Variants in UNC13C observed in about 807,000 individuals in gnomAD.
The protein encoded by UNC13C is protein unc-13 homolog C.
Under a neutral mutation model 245.4 loss-of-function variants are expected in UNC13C, and 174 were observed. The observed-to-expected ratio is 0.71, with a 90% confidence interval of 0.63 to 0.80. The LOEUF is 0.80. Among genes scored for constraint, UNC13C ranks in the 30% least tolerant of loss-of-function variants. UNC13C has a pLI of 0.00. For missense variants in UNC13C, 2,829 were observed against 2,602.9 expected (o/e 1.09, Z -1.89); for synonymous variants, 992 against 895.1 (o/e 1.11, Z -1.93).
Position 54,013,511 on chromosome 15 carries a change from T to G in UNC13C, c.608T>G (p.Met203Arg). The G allele has an allele frequency of 6.2e-7, 1 of 1,613,798 alleles. No homozygotes were observed. The highest frequency in any genetic ancestry group is 8.5e-7 in the Non-Finnish European group (1 of 1,179,820). ...CVSSDSELST[M>R]KKSWGIRSKS... ...TCCTCAGACTCAGAGTTAAGCACCA[T>G]GAAAAAATCCTGGGGAATAAGAAGT... The change falls in exon 2 of 33, where the codon ATG becomes AGG. Residue 203 changes from methionine to arginine, a missense_variant. Physicochemically the swap from Met to Arg is moderately conservative, Grantham distance 91. Coordinates refer to ENST00000260323, the MANE Select transcript of UNC13C (RefSeq NM_001080534.3).
chr15:54,173,457 A>G (rs2033492644), intron 4 of UNC13C, among the ~76,000 whole-genome samples: 1 of 152,024 alleles, frequency 6.6e-6, no homozygotes. Context: ...ATTTATCTCA[A>G]AGTATTTTAT....
chr15:54,283,751 A>T (rs1172258852), intron 10 of UNC13C, among the ~76,000 whole-genome samples: 1 of 151,266 alleles, frequency 6.6e-6, no homozygotes, highest in Non-Finnish European at 1.5e-5. Context: ...TGTAATATTT[A>T]ATCCCCTTAA....
At chr15:54,509,058 G>C (rs1252736737) in intron 23 of UNC13C, among the ~76,000 whole-genome samples, 1 of 152,116 alleles carries the variant, frequency 6.6e-6, no homozygotes, top group Non-Finnish European at 1.5e-5. Flanking sequence ...AATTAACCAG[G>C]TGTGGTGGCG....
intron 4 of UNC13C, among the ~76,000 whole-genome samples, chr15:54,219,071 C>G (rs1305021456): frequency 6.6e-6 from 1 of 151,922 alleles, no homozygotes; most frequent in African/African-American, 2.4e-5. Context: ...CTACCAATGA[C>G]TTTCTTCACA....
intron 4 of UNC13C, among the ~76,000 whole-genome samples, chr15:54,182,701 A>T (rs1286964569): frequency 1.3e-5 from 2 of 151,910 alleles, no homozygotes; most frequent in Admixed American, 1.3e-4. Flanking sequence ...CCTCTAAAAA[A>T]CCCTGAAATA....
chr15:54,103,823 C>G (rs898207556), intron 2 of UNC13C, among the ~76,000 whole-genome samples: 1 of 152,290 alleles, frequency 6.6e-6, no homozygotes, highest in South Asian at 2.1e-4. Flanking sequence ...TGGCTCACTG[C>G]AACTCCACAG....
chr15:54,191,062 A>C (rs932491391), intron 4 of UNC13C, among the ~76,000 whole-genome samples: 1 of 152,038 alleles, frequency 6.6e-6, no homozygotes, highest in Admixed American at 6.6e-5. Flanking sequence ...AAGCATTTTT[A>C]AATTATGCTT....
intron 1 of UNC13C, among the ~76,000 whole-genome samples, chr15:54,012,193 G>C (rs550503385): frequency 4.9e-4 from 75 of 152,182 alleles, no homozygotes; most frequent in African/African-American, 1.7e-3. Context: ...AATCAAAAGA[G>C]GTTATATATA....
intron 2 of UNC13C, among the ~76,000 whole-genome samples, chr15:54,121,210 T>G (rs1396536878): frequency 6.6e-6 from 1 of 152,078 alleles, no homozygotes; most frequent in Non-Finnish European, 1.5e-5. Context: ...TTCAATAAAT[T>G]GCCACAGTCA....
At chr15:53,916,983 G>T in the UNC13C span, among the ~76,000 whole-genome samples, 1 of 152,102 alleles carries the variant, frequency 6.6e-6, no homozygotes, top group Non-Finnish European at 1.5e-5. Context: ...GTTAAATATT[G>T]GCATAAAAGA....
At chr15:53,889,432 T>A in the UNC13C span, among the ~76,000 whole-genome samples, 2 of 152,226 alleles carry the variant, frequency 1.3e-5, no homozygotes, top group African/African-American at 2.4e-5. Context: ...AAGTTGCTTA[T>A]GAGTTTAAGG....
At chr15:53,925,785 T>G in the UNC13C span, among the ~76,000 whole-genome samples, 1 of 152,324 alleles carries the variant, frequency 6.6e-6, no homozygotes, top group South Asian at 2.1e-4. Flanking sequence ...TTCAGGTGTC[T>G]CCGAAATCTA....
chr15:54,396,736 TCTAA>T (rs2040077624), intron 18 of UNC13C, among the ~76,000 whole-genome samples: 1 of 151,482 alleles, frequency 6.6e-6, no homozygotes, highest in South Asian at 2.1e-4. Context: ...GCATATATTA[TCTAA>T]CTATGATTTT....
intron 2 of UNC13C, among the ~76,000 whole-genome samples, chr15:54,111,392 A>G (rs11071043): frequency 0.4 from 61,283 of 152,056 alleles, 13,197 homozygotes; most frequent in Admixed American, 0.51. Context: ...TTTTTTAGAG[A>G]GAAACTATTT....
At position 54,327,227 on chromosome 15, in the gene UNC13C, C is replaced by G. The variant is rs562167336; in HGVS notation, c.4426-4816C>G. On this transcript the variant is annotated intron_variant, in intron 14 of 32. Coordinates refer to ENST00000260323, the MANE Select transcript of UNC13C (RefSeq NM_001080534.3). Reference sequence around the variant, plus strand: ...CAATTGTAAAATTAATATTTTTGAGCTGTTTATTTACTTGAGTATATACAT... The same window carrying G: ...CAATTGTAAAATTAATATTTTTGAGGTGTTTATTTACTTGAGTATATACAT... Among the ~76,000 whole-genome samples the G allele has an allele frequency of 4.6e-5, 7 of 151,966 alleles. 2 individuals carry two copies. Among genetic ancestry groups the G allele is most frequent in the African/African-American group, 1.7e-4 (7 of 41,460 alleles).
intron 4 of UNC13C, among the ~76,000 whole-genome samples, chr15:54,229,171 T>C (rs7174025): frequency 0.26 from 39,855 of 152,070 alleles, 5,862 homozygotes; most frequent in Non-Finnish European, 0.32. Context: ...AATTACTGCA[T>C]TCTCTCTCCC....
At chr15:54,015,994 T>C in intron 2 of UNC13C, 108 bp downstream of exon 2, 1 of 951,422 alleles carries the variant, frequency 1.1e-6, no homozygotes, top group Non-Finnish European at 1.5e-6. Flanking sequence ...TTACTTGCAA[T>C]GACTTTCCAT....
At chr15:54,613,321 A>G (rs1021990546) in intron 30 of UNC13C, among the ~76,000 whole-genome samples, 1 of 151,970 alleles carries the variant, frequency 6.6e-6, no homozygotes, top group Non-Finnish European at 1.5e-5. Flanking sequence ...CCAATAGTTG[A>G]CATATTAAAA....
intron 2 of UNC13C, among the ~76,000 whole-genome samples, chr15:54,134,625 T>C (rs1395652169): frequency 6.6e-6 from 1 of 152,146 alleles, no homozygotes; most frequent in Non-Finnish European, 1.5e-5. Flanking sequence ...GTTCACGCCA[T>C]TCTCCTGCCT....
Sources: allele counts gnomAD v4.1 joint callset (sites outside exome capture counted in the v4.1 genomes callset), GRCh38; gene constraint gnomAD v4.1.1; transcripts MANE v1.5; gene names NCBI Gene and HGNC (gene_info 2026-07-23, HGNC 2026-07-21).